Variants in PRKD3 observed in about 807,000 individuals in gnomAD.
The protein encoded by PRKD3 is serine/threonine-protein kinase D3.
PRKD3 carries 47 observed loss-of-function variants against 99.2 expected under a neutral mutation model. The observed-to-expected ratio is 0.47, with a 90% CI of 0.38 to 0.60. The LOEUF is 0.60. Among genes scored for constraint, PRKD3 ranks in the 20% least tolerant of loss-of-function variants. The pLI, the probability that PRKD3 is intolerant of heterozygous loss-of-function variation, is 0.00. For synonymous variants in PRKD3, 392 were observed against 355.4 expected, an observed-to-expected ratio of 1.10 and a Z score of -1.16; for missense variants, 1,019 against 1,088.4, an observed-to-expected ratio of 0.94 and a Z score of 0.90.
At chr2:37,322,945 C>T (rs889475741) in intron 1 of PRKD3, among the ~76,000 whole-genome samples, 2 of 147,610 alleles carry the variant, frequency 1.4e-5, no homozygotes, top group Non-Finnish European at 3.0e-5. Flanking sequence ...CAATTAACTC[C>T]ACTGTAGTAT....
chr2:37,296,899 C>CAAAAA lies in PRKD3; in HGVS notation c.289-3633_289-3629dup, dbSNP rs748730644. ...TGGGCGACAAAGCGTGACTCTGTCT[C>CAAAAA]AAAAAAAAAAAAAAAAAAAAAAAAT... On this transcript the variant is annotated intron_variant, in intron 2 of 18. Coordinates refer to ENST00000234179, the MANE Select transcript of PRKD3 (RefSeq NM_005813.6). Among the ~76,000 whole-genome samples the CAAAAA allele has an allele frequency of 3.3e-4, 16 of 48,106 alleles. 1 individual carries two copies. Among genetic ancestry groups the CAAAAA allele is most frequent in the African/African-American group, 1.1e-3 (14 of 12,486 alleles). 31.6% of individuals were successfully genotyped at this position (48,106 alleles called of 152,430 possible). A position where few individuals can be genotyped will look rare whatever the true frequency, so the allele number is the denominator to read the frequency against.
At chr2:37,304,964 A>AT (rs1671093385) in intron 2 of PRKD3, among the ~76,000 whole-genome samples, 2 of 143,300 alleles carry the variant, frequency 1.4e-5, no homozygotes, top group Admixed American at 1.6e-4. Flanking sequence ...ATTAAAAAAA[A>AT]ATTTCTTCTT....
intron 13 of PRKD3, chr2:37,268,227 T>C (rs928733205): frequency 1.1e-5 from 5 of 442,358 alleles, no homozygotes; most frequent in African/African-American, 2.1e-5. Flanking sequence ...CTCATTTGTC[T>C]CAATGGCACA....
Position 37,279,862 on chromosome 2 carries a change from A to C in PRKD3, c.1056T>G (p.Asp352Glu), listed in dbSNP as rs1489745375. 1 of 1,612,836 alleles carries C rather than the reference A, an allele frequency of 6.2e-7. No individual in the cohort carries two copies. Among genetic ancestry groups the C allele is most frequent in the East Asian group, 2.2e-5 (1 of 44,830 alleles). Residue 352 changes from aspartate (D) to glutamate (E), a missense_variant, in exon 8 of 19, where the codon GAT becomes GAG. Asp to Glu is a conservative substitution (Grantham distance 45). Coordinates refer to ENST00000234179, the MANE Select transcript of PRKD3 (RefSeq NM_005813.6). ...CTGTGTCATCCAAACCCCGACTACT[A>C]TCACTATTTATGTCATTATTGTCAA... Reference protein sequence around the residue: ...MDIDNNDINSDSSRGLDDTEE... With the variant: ...MDIDNNDINSESSRGLDDTEE...
chr2:37,311,353 T>C (rs746883792), intron 2 of PRKD3, among the ~76,000 whole-genome samples: 4 of 152,200 alleles, frequency 2.6e-5, no homozygotes, highest in Non-Finnish European at 5.9e-5. Context: ...TTAGGGCAAT[T>C]TGACATTTGC....
chr2:37,253,181 G>A lies in PRKD3; in HGVS notation c.2669C>T (p.Pro890Leu), dbSNP rs1455847560. Residue 890 changes from proline to leucine, a missense_variant, in exon 19 of 19, where the codon CCT (proline) becomes CTT (leucine). By Grantham distance (98) the Pro-to-Leu change is moderately conservative. Transcript: ENST00000234179. Reference protein sequence around the residue: ...APNPDDMEEDP With the variant: ...APNPDDMEEDL ...TTATTTAGGTTAGCTCAGTGATTAA[G>A]GATCTTCTTCCATATCATCTGGATT... 2.5e-6 allele frequency: 4 copies of A among 1,597,602 alleles called. No individual in the cohort carries two copies. The highest frequency in any genetic ancestry group is 3.4e-5 in the Admixed American group (2 of 58,486).
At chr2:37,299,794 C>T (rs1670842772) in intron 2 of PRKD3, among the ~76,000 whole-genome samples, 2 of 152,110 alleles carry the variant, frequency 1.3e-5, no homozygotes, top group South Asian at 4.1e-4. Flanking sequence ...AGATACTCAA[C>T]ATCACTAATC....
At chr2:37,262,712 C>T (rs1668559913) in intron 14 of PRKD3, among the ~76,000 whole-genome samples, 1 of 152,140 alleles carries the variant, frequency 6.6e-6, no homozygotes, top group Admixed American at 6.5e-5. Flanking sequence ...AACACGTGGA[C>T]ACACAAAAAT....
rs200307175 is a variant in PRKD3, at chr2:37,274,560, G to T, written c.1512C>A (p.Ser504Arg). Residue 504 changes from serine (S) to arginine (R), a missense_variant, in exon 11 of 19, where the codon AGC becomes AGA. Physicochemically the swap from Ser to Arg is moderately radical, Grantham distance 110 (BLOSUM62 -1). Transcript: ENST00000234179. Reference protein sequence around the residue: ...VYFVGENNGDSSHNPVLAATG... With the variant: ...VYFVGENNGDRSHNPVLAATG... ...TGGCAGCAAGAACAGGATTATGAGA[G>T]CTGTCCCCATTGTTCTCACCAACGA... The T allele has an allele frequency of 1.9e-6, 3 of 1,614,134 alleles. No homozygotes were observed. The highest frequency in any genetic ancestry group is 2.5e-6 in the Non-Finnish European group (3 of 1,180,002).
At chr2:37,268,471 G>T (rs1668993702) in intron 13 of PRKD3, 2 of 392,730 alleles carry the variant, frequency 5.1e-6, no homozygotes, top group South Asian at 3.8e-5. Context: ...GGAATACAAA[G>T]AAGATCCAGA....
At chr2:37,266,619 T>A (rs1406411241) in intron 14 of PRKD3, among the ~76,000 whole-genome samples, 1 of 152,140 alleles carries the variant, frequency 6.6e-6, no homozygotes, top group African/African-American at 2.4e-5. Flanking sequence ...CCTGAGTAGC[T>A]GGGATTATGG....
At chr2:37,285,408 TC>T (rs1670042787) in intron 6 of PRKD3, among the ~76,000 whole-genome samples, 1 of 152,204 alleles carries the variant, frequency 6.6e-6, no homozygotes, top group African/African-American at 2.4e-5. Context: ...TGGGTTAGTA[TC>T]CAAATACGGG....
At chr2:37,286,800 TAAGTCTAATTAATAATG>T (rs1308547517) in intron 5 of PRKD3, among the ~76,000 whole-genome samples, 1 of 152,230 alleles carries the variant, frequency 6.6e-6, no homozygotes, top group Admixed American at 6.5e-5. Flanking sequence ...ACATACATTT[TAAGTCTAATTAATAATG>T]ATAAACAATG....
At position 37,274,490 on chromosome 2, in the gene PRKD3, G is replaced by A. The variant is rs1286077413; in HGVS notation, c.1582C>T (p.Arg528Cys). 17 of 1,614,008 alleles carry A rather than the reference G, an allele frequency of 1.1e-5. No homozygotes were observed. Among genetic ancestry groups the A allele is most frequent in the Middle Eastern group, 1.6e-4 (1 of 6,084 alleles). Residue 528 changes from arginine (R) to cysteine (C), a missense_variant, in exon 11 of 19, where the codon CGC (arginine) becomes TGC (cysteine). Arg to Cys is a radical substitution (Grantham distance 180, BLOSUM62 -3). Around this residue, in one of 3 missense-constraint regions of PRKD3, gnomAD observed 710 missense variants for 692.7 expected, o/e 1.02. Transcript: ENST00000234179. ...DVAQSWEKAIRQALMPVTPQA... is the reference protein window; with the variant it reads ...DVAQSWEKAICQALMPVTPQA... ...GGAGTAACAGGCATGAGGGCTTGGCGAATTGCTTTTTCCCAGCTCTGTGCT... is the reference window on the plus strand; with the variant it reads ...GGAGTAACAGGCATGAGGGCTTGGCAAATTGCTTTTTCCCAGCTCTGTGCT...
In PRKD3 at chr2:37,260,223, C is replaced by G; in HGVS notation, c.2046G>C (p.Gln682His). ...PERITKFMVT[Q>H]ILVALRNLHF... Reference sequence around the variant, plus strand: ...TAAAAAAAAAAAGGAGTTAAAATACCTGTGTGACCATGAATTTAGTAATTC... The same window carrying G: ...TAAAAAAAAAAAGGAGTTAAAATACGTGTGTGACCATGAATTTAGTAATTC... The change falls in exon 15 of 19, where the codon CAG becomes CAC. Residue 682 changes from glutamine (Q) to histidine (H), a missense_variant and splice_region_variant. Around this residue, in one of 3 missense-constraint regions of PRKD3, gnomAD observed 184 missense variants for 275.1 expected, o/e 0.67. Transcript: ENST00000234179. The G allele has an allele frequency of 1.9e-6, 3 of 1,600,854 alleles. No individual in the cohort carries two copies. Among genetic ancestry groups the G allele is most frequent in the Non-Finnish European group, 1.7e-6 (2 of 1,172,818 alleles).
At chr2:37,257,068 A>T in intron 16 of PRKD3, 139 bp from the exon 17 acceptor site, 1 of 977,554 alleles carries the variant, frequency 1.0e-6, no homozygotes, top group Non-Finnish European at 1.5e-6. Flanking sequence ...CAGATAAGGA[A>T]ATTGTAAAAT....
intron 14 of PRKD3, among the ~76,000 whole-genome samples, chr2:37,266,499 T>TG (rs901704134): frequency 3.3e-5 from 5 of 151,816 alleles, no homozygotes; most frequent in Non-Finnish European, 5.9e-5. Flanking sequence ...CTTTTTTTTT[T>TG]TTTTGAGATG....
At chr2:37,290,785 G>T in intron 4 of PRKD3, 83 bp downstream of exon 4, 1 of 1,415,426 alleles carries the variant, frequency 7.1e-7, no homozygotes, top group Non-Finnish European at 9.7e-7. Context: ...TCAACAGCTC[G>T]TCATCTTGCT....
chr2:37,286,361 G>C lies in PRKD3; in HGVS notation c.726C>G (p.Val242=). 1 of 1,613,364 alleles carries C rather than the reference G, an allele frequency of 6.2e-7. No homozygotes were observed. Among genetic ancestry groups the C allele is most frequent in the South Asian group, 1.1e-5 (1 of 91,048 alleles). ...GAATTCTCTTACTTGGTTCCTGGTG[G>C]ACATGTGACTATAACATAAGTAATT... is the stretch of plus-strand genomic sequence containing the variant. ...YVALPSEESH[V]HQEPSKRIPS... is the part of the protein sequence containing the mutation. The change falls in exon 6 of 19, where the codon GTC becomes GTG. Residue 242 remains valine, a synonymous_variant. Transcript: ENST00000234179.
Sources: gnomAD v4.1 joint callset for allele counts (sites outside exome capture counted in the v4.1 genomes callset) on GRCh38, gnomAD v4.1.1 for gene constraint, gnomAD v4.1.1 regional missense constraint, MANE v1.5 for transcripts, NCBI Gene and HGNC (gene_info 2026-07-23, HGNC 2026-07-21) for gene names.